Variants in KIF3C observed in about 807,000 individuals in gnomAD.
KIF3C encodes the protein kinesin-like protein KIF3C.
A neutral mutation model predicts 67.7 loss-of-function variants in KIF3C; 12 were observed. That is an observed-to-expected ratio of 0.18 (90% confidence interval 0.11 to 0.29). The LOEUF is 0.29. Ranked by LOEUF, KIF3C falls within the 10% of genes least tolerant of loss-of-function variation. The probability of loss-of-function intolerance (pLI) is 1.00; values close to 1 mark genes in which losing one functional copy is unlikely to be tolerated. For missense variants in KIF3C, 789 were observed against 1,059.6 expected (o/e 0.74, Z 3.55); for synonymous variants, 393 against 426.2 (o/e 0.92, Z 0.96).
At chr2:25,967,178 G>A (rs2149240346) in intron 1 of KIF3C, among the ~76,000 whole-genome samples, 1 of 152,336 alleles carries the variant, frequency 6.6e-6, no homozygotes, top group South Asian at 2.1e-4. Context: ...GGGCTCTGCT[G>A]CTGCTGCTTC....
chr2:25,974,074 C>A (rs2149243395), intron 1 of KIF3C, among the ~76,000 whole-genome samples: 1 of 152,146 alleles, frequency 6.6e-6, no homozygotes, highest in Non-Finnish European at 1.5e-5. Flanking sequence ...GTTTAATTCT[C>A]TTTTTTTCTT....
chr2:25,961,510 C>T (rs960049031), intron 1 of KIF3C, among the ~76,000 whole-genome samples: 2 of 152,098 alleles, frequency 1.3e-5, no homozygotes, highest in African/African-American at 4.8e-5. Context: ...AAAAGGAATC[C>T]TAACTCTACT....
intron 5 of KIF3C, among the ~76,000 whole-genome samples, chr2:25,940,442 A>G (rs1296779058): frequency 6.6e-6 from 1 of 151,694 alleles, no homozygotes; most frequent in Non-Finnish European, 1.5e-5. Flanking sequence ...GTGGTGGCGT[A>G]TGCCTGTAAT....
At chr2:25,951,970 G>A (rs1455966228) in intron 4 of KIF3C, 65 bp from the exon 5 acceptor site, 2 of 1,115,360 alleles carry the variant, frequency 1.8e-6, no homozygotes, top group East Asian at 2.4e-5. Context: ...GTGCATGTGA[G>A]GGTTGAAGGA....
chr2:25,955,567 C>T lies in KIF3C; in HGVS notation c.1744G>A (p.Glu582Lys). 6.2e-7 allele frequency: 1 copy of T among 1,614,076 alleles called. No individual in the cohort carries two copies. The highest frequency in any genetic ancestry group is 8.5e-7 in the Non-Finnish European group (1 of 1,179,988). The change falls in exon 3 of 8, where the codon GAG becomes AAG. Residue 582 changes from glutamate (E) to lysine (K), a missense_variant. By Grantham distance (56) the Glu-to-Lys change is moderately conservative. This residue lies in a region of KIF3C where 648 missense variants were observed against 807.8 expected (regional missense o/e 0.80). Transcript: ENST00000264712. This position sits in a 1 kb window ranked among gnomAD's most constrained non-coding sequence, Gnocchi z 5.0. ...TTCTTGAGTTTCTTGGTTTTGACCT[C>T]CACCTCCTGCTGCAGGGATGTGTAG... is the stretch of plus-strand genomic sequence containing the variant. ...GTYTSLQQEV[E>K]VKTKKLKKLY...
At chr2:25,948,607 A>T (rs566243976) in intron 5 of KIF3C, among the ~76,000 whole-genome samples, 1 of 137,330 alleles carries the variant, frequency 7.3e-6, no homozygotes, top group African/African-American at 3.0e-5. Flanking sequence ...AGAAAGAAAG[A>T]AAGAGAAAGA....
At chr2:25,945,013 C>T (rs183870473) in intron 5 of KIF3C, among the ~76,000 whole-genome samples, 1 of 152,092 alleles carries the variant, frequency 6.6e-6, no homozygotes, top group East Asian at 1.9e-4. Context: ...CACCTGTAAT[C>T]CCAGCTACTC....
At chr2:25,942,893 T>C (rs190437519) in intron 5 of KIF3C, among the ~76,000 whole-genome samples, 6 of 152,274 alleles carry the variant, frequency 3.9e-5, no homozygotes, top group Admixed American at 2.6e-4. Context: ...CAACTCCTTG[T>C]TTGAGAGAGA....
intron 1 of KIF3C, among the ~76,000 whole-genome samples, chr2:25,974,970 G>A (rs943692348): frequency 6.9e-6 from 1 of 145,784 alleles, no homozygotes; most frequent in Non-Finnish European, 1.5e-5. Context: ...AGGTTGCGGT[G>A]AGCCAAGATC....
chr2:25,948,329 G>A (rs1663499037), intron 5 of KIF3C, among the ~76,000 whole-genome samples: 1 of 152,042 alleles, frequency 6.6e-6, no homozygotes, highest in Non-Finnish European at 1.5e-5. Context: ...GTAGGAGGGG[G>A]ATCGCTTAAG....
intron 1 of KIF3C, among the ~76,000 whole-genome samples, chr2:25,975,500 C>T (rs1664390278): frequency 6.6e-6 from 1 of 152,150 alleles, no homozygotes; most frequent in Non-Finnish European, 1.5e-5. Flanking sequence ...TTCAGCACCT[C>T]CTCAGGAACC....
At chr2:25,935,893 C>T (rs536924775) in intron 5 of KIF3C, among the ~76,000 whole-genome samples, 86 of 151,040 alleles carry the variant, frequency 5.7e-4, no homozygotes, top group African/African-American at 1.9e-3. Flanking sequence ...CTGGCTAACA[C>T]GGTGAAACCC....
Position 25,927,728 on chromosome 2 carries a change from C to T in KIF3C, c.*1250G>A, listed in dbSNP as rs1288881356. 1 of 152,224 alleles carries T rather than the reference C, an allele frequency of 6.6e-6. No homozygotes were observed. Among genetic ancestry groups the T allele is most frequent in the Non-Finnish European group, 1.5e-5 (1 of 68,030 alleles). 9.4% of individuals were successfully genotyped at this position (152,224 alleles called of 1,614,324 possible). On this transcript the variant is annotated 3_prime_UTR_variant, in exon 8 of 8. Coordinates refer to ENST00000264712, the MANE Select transcript of KIF3C (RefSeq NM_002254.8). Reference sequence around the variant, plus strand: ...TCGCTTGCTTTCGTTATGACCTCTTCACCCGTCCTCCAAAATATACACTTA... The same window carrying T: ...TCGCTTGCTTTCGTTATGACCTCTTTACCCGTCCTCCAAAATATACACTTA...
intron 5 of KIF3C, among the ~76,000 whole-genome samples, chr2:25,945,131 C>CAA (rs60379654): frequency 4.4e-5 from 6 of 135,984 alleles, no homozygotes; most frequent in South Asian, 2.3e-4. Context: ...AACTCTATCT[C>CAA]AAAAAAAAAA....
Position 25,955,619 on chromosome 2 carries a change from G to A in KIF3C, c.1692C>T (p.Asp564=), listed in dbSNP as rs201703413. 9.9e-6 allele frequency: 16 copies of A among 1,614,060 alleles called. No homozygotes were observed. The highest frequency in any genetic ancestry group is 2.2e-5 in the East Asian group (1 of 44,874). The change falls in exon 3 of 8, where the codon GAC becomes GAT. Residue 564 remains aspartate (D), a synonymous_variant. Transcript: ENST00000264712. The surrounding 1 kb of genome is among the most constrained non-coding windows in gnomAD (Gnocchi z 5.0). Reference sequence around the variant, plus strand: ...TGCCCCGGAGCTCCATAGTCTCCTCGTCCCGGAGCATCATCTCCTGCTGCA... The same window carrying A: ...TGCCCCGGAGCTCCATAGTCTCCTCATCCCGGAGCATCATCTCCTGCTGCA... ...REMQQEMMLR[D]EETMELRGTY... is the part of the protein sequence containing the mutation.
rs2090429240 is a variant in KIF3C at position 25,928,447 on chromosome 2, A to C, written c.*531T>G. ...AGGTTGTCTGAGGCTCAGAAAGTGG[A>C]GAGTGGGGCTGTGTCCACGGGGAGC... is the stretch of plus-strand genomic sequence containing the variant. On this transcript the variant is annotated 3_prime_UTR_variant, in exon 8 of 8. Coordinates refer to ENST00000264712, the MANE Select transcript of KIF3C (RefSeq NM_002254.8). 6.6e-6 allele frequency: 1 copy of C among 152,616 alleles called. No homozygotes were observed. The highest frequency in any genetic ancestry group is 1.5e-5 in the Non-Finnish European group (1 of 68,456). 9.5% of individuals were successfully genotyped at this position (152,616 alleles called of 1,614,324 possible). A position where few individuals can be genotyped will look rare whatever the true frequency, so the allele number is the denominator to read the frequency against.
rs540951821 is a variant in KIF3C, at chr2:25,980,165, G to T, written c.1545+208C>A. On this transcript the variant is annotated intron_variant, in intron 1 of 7. Coordinates refer to ENST00000264712, the MANE Select transcript of KIF3C (RefSeq NM_002254.8). The surrounding 1 kb of genome is among the most constrained non-coding windows in gnomAD (Gnocchi z 7.6). The stretch of plus-strand genomic sequence containing the variant: ...AGAGACCGCCTGTCCACGTTGCTTC[G>T]TGTGTGTGTGCCTGTGCATGTACCT... 6.6e-6 allele frequency among the ~76,000 whole-genome samples: 1 copy of T among 152,106 alleles called. No individual in the cohort carries two copies. The highest frequency in any genetic ancestry group is 2.4e-5 in the African/African-American group (1 of 41,424).
At chr2:25,974,320 G>A (rs757625763) in intron 1 of KIF3C, among the ~76,000 whole-genome samples, 54 of 152,028 alleles carry the variant, frequency 3.6e-4, no homozygotes, top group South Asian at 8.3e-4. Flanking sequence ...CACCCACCTC[G>A]GCCTCCCAAA....
intron 5 of KIF3C, among the ~76,000 whole-genome samples, chr2:25,942,008 G>A (rs980281286): frequency 2.6e-5 from 4 of 152,120 alleles, no homozygotes; most frequent in Non-Finnish European, 5.9e-5. Context: ...TTGCACCCTA[G>A]CCTGGGTGAC....
Sources: allele counts gnomAD v4.1 joint callset (sites outside exome capture counted in the v4.1 genomes callset), GRCh38; gene constraint gnomAD v4.1.1; regional missense constraint gnomAD v4.1.1; non-coding constraint Gnocchi (gnomAD v3.1); transcripts MANE v1.5; gene names NCBI Gene and HGNC (gene_info 2026-07-23, HGNC 2026-07-21).